Variants in VPS37C observed in about 807,000 individuals in gnomAD.
The protein encoded by VPS37C is vacuolar protein sorting-associated protein 37C.
Under a neutral mutation model 16.1 loss-of-function variants are expected in VPS37C, and 9 were observed. The observed-to-expected ratio is 0.56, with a 90% CI of 0.34 to 0.97. The LOEUF is 0.97. Among genes scored for constraint, VPS37C ranks in the 50% least tolerant of loss-of-function variants. The pLI is 0.02. For synonymous variants in VPS37C, 207 were observed against 206.4 expected, an observed-to-expected ratio of 1.00 and a Z score of -0.02; for missense variants, 479 against 472.7, an observed-to-expected ratio of 1.01 and a Z score of -0.12.
At chr11:61,140,880 C>A (rs768759757) in intron 1 of VPS37C, among the ~76,000 whole-genome samples, 6 of 152,188 alleles carry the variant, frequency 3.9e-5, no homozygotes, top group Admixed American at 1.3e-4. Flanking sequence ...ATTCTGTCCA[C>A]ACCTCACCTT....
chr11:61,133,291 CAGA>C lies in VPS37C; in HGVS notation c.309_311del (p.Leu104del), dbSNP rs1861306669. On this transcript the variant is annotated inframe_deletion, in exon 4 of 5. Coordinates refer to ENST00000301765, the MANE Select transcript of VPS37C (RefSeq NM_017966.5). ...CTTCGATCTTCATGCCTTCCACCTG[CAGA>C]AGGTCTAACAAGGTCCCTGGCTGCA... 1.9e-6 allele frequency: 3 copies of C among 1,614,078 alleles called. No homozygotes were observed. Among genetic ancestry groups the C allele is most frequent in the Non-Finnish European group, 2.5e-6 (3 of 1,180,040 alleles).
At chr11:61,160,295 C>G (rs1489214299) in intron 1 of VPS37C, among the ~76,000 whole-genome samples, 1 of 152,150 alleles carries the variant, frequency 6.6e-6, no homozygotes, top group Non-Finnish European at 1.5e-5. Flanking sequence ...GCAACAGTCC[C>G]CGATCCCACC....
At position 61,133,245 on chromosome 11, in the gene VPS37C, G is replaced by A. The variant is rs181762215; in HGVS notation, c.348+10C>T. On this transcript the variant is annotated intron_variant, in intron 4 of 4. Transcript: ENST00000301765. ...GTCCAGGGAAGAGGGGTGTCGCCTC[G>A]CCCTCTCACCTCGGACTCTTCTTCG... 1.1e-4 allele frequency: 183 copies of A among 1,613,784 alleles called. No individual in the cohort carries two copies. The highest frequency in any genetic ancestry group is 2.5e-4 in the Admixed American group (15 of 60,014).
intron 3 of VPS37C, 67 bp from the exon 4 acceptor site, chr11:61,133,404 G>A (rs1390953384): frequency 6.6e-7 from 1 of 1,506,198 alleles, no homozygotes; most frequent in Non-Finnish European, 9.1e-7. Flanking sequence ...AAGGCACTTT[G>A]CATACCCTCT....
chr11:61,144,016 T>G (rs1350947648), intron 1 of VPS37C: 4 of 147,542 alleles, frequency 2.7e-5, no homozygotes, highest in Admixed American at 6.9e-5. Context: ...TCGCCCAGGC[T>G]GGGGTGCAAT....
chr11:61,150,410 TC>T (rs1250682946), intron 1 of VPS37C, among the ~76,000 whole-genome samples: 1 of 151,750 alleles, frequency 6.6e-6, no homozygotes, highest in Non-Finnish European at 1.5e-5. Flanking sequence ...CTTGCCCCCC[TC>T]CTCCCCTCAC....
At chr11:61,144,946 C>T (rs1210324681) in intron 1 of VPS37C, 1 of 152,226 alleles carries the variant, frequency 6.6e-6, no homozygotes, top group Non-Finnish European at 1.5e-5. Flanking sequence ...GGACCTTACT[C>T]CCAACTTTGC....
In VPS37C at chr11:61,135,064, C is replaced by T. The variant is rs375675222; in HGVS notation, c.94-857G>A. Among the ~76,000 whole-genome samples, 217 of 152,274 alleles carry T rather than the reference C, an allele frequency of 1.4e-3. 1 individual carries two copies. Among genetic ancestry groups the T allele is most frequent in the Middle Eastern group, 0.01 (3 of 294 alleles). On this transcript the variant is annotated intron_variant, in intron 2 of 4. Transcript: ENST00000301765. The stretch of plus-strand genomic sequence containing the variant: ...GCATGGGGCACCAGAAGAGAGGCCT[C>T]GGCACCCGCCACAGGGCGCAGGGAA...
At chr11:61,146,067 A>G (rs1853202981) in intron 1 of VPS37C, among the ~76,000 whole-genome samples, 1 of 152,254 alleles carries the variant, frequency 6.6e-6, no homozygotes, top group Non-Finnish European at 1.5e-5. Context: ...ACTGGCTGTC[A>G]GATAGCTCAC....
chr11:61,150,932 C>CTGAGGTT (rs1190079480), intron 1 of VPS37C, among the ~76,000 whole-genome samples: 30 of 152,332 alleles, frequency 2.0e-4, no homozygotes, highest in African/African-American at 7.0e-4. Flanking sequence ...TGCTCACAGT[C>CTGAGGTT]CAGAGGCTGG....
chr11:61,132,980 C>T, intron 4 of VPS37C: 1 of 566,224 alleles, frequency 1.8e-6, no homozygotes. Flanking sequence ...GAGCTGGCCT[C>T]AGCCCCTGGG....
intron 1 of VPS37C, among the ~76,000 whole-genome samples, chr11:61,141,851 G>A (rs1016411238): frequency 2.0e-5 from 3 of 151,216 alleles, no homozygotes; most frequent in African/African-American, 7.4e-5. Context: ...TGCAGGTGCA[G>A]CCAGGTGGAG....
intron 1 of VPS37C, among the ~76,000 whole-genome samples, chr11:61,149,945 G>A (rs964328978): frequency 1.3e-5 from 2 of 152,138 alleles, no homozygotes; most frequent in African/African-American, 4.8e-5. Context: ...TCAGCCGGCT[G>A]GGAGGCTCTA....
chr11:61,149,010 G>A (rs949206670), intron 1 of VPS37C, among the ~76,000 whole-genome samples: 9 of 152,242 alleles, frequency 5.9e-5, no homozygotes, highest in African/African-American at 1.9e-4. Flanking sequence ...GGCCAGGCGC[G>A]GTGGCTCACG....
intron 1 of VPS37C, among the ~76,000 whole-genome samples, chr11:61,147,075 T>C (rs1245980621): frequency 6.6e-6 from 1 of 152,138 alleles, no homozygotes; most frequent in Non-Finnish European, 1.5e-5. Flanking sequence ...TGTGAGAAAC[T>C]GGGTGGGCCA....
intron 1 of VPS37C, among the ~76,000 whole-genome samples, chr11:61,155,104 CAAAA>C (rs61061689): frequency 6.1e-5 from 8 of 130,624 alleles, no homozygotes; most frequent in Admixed American, 7.5e-5. Flanking sequence ...ACTCTGTCTC[CAAAA>C]AAAAAAAAAA....
intron 1 of VPS37C, among the ~76,000 whole-genome samples, chr11:61,159,679 A>G (rs1226009538): frequency 6.7e-6 from 1 of 150,310 alleles, no homozygotes; most frequent in Admixed American, 6.7e-5. Flanking sequence ...CCGCCACTGC[A>G]CTCCAGCCTG....
chr11:61,134,096 C>T lies in VPS37C; in HGVS notation c.205G>A (p.Asp69Asn), dbSNP rs752577684. The change falls in exon 3 of 5, where the codon GAT (aspartate) becomes AAT (asparagine). Residue 69 changes from aspartate (D) to asparagine (N), a missense_variant. Asp to Asn is a conservative substitution (Grantham distance 23, BLOSUM62 1). Coordinates refer to ENST00000301765, the MANE Select transcript of VPS37C (RefSeq NM_017966.5). ...PLEISRSNLS[D>N]RYQELRKLVE... ...AGCTTCCGGAGCTCCTGGTATCTAT[C>T]CGAGAGGTTTGAGCGGCTGATCTCC... is the stretch of plus-strand genomic sequence containing the variant. 7.4e-6 allele frequency: 12 copies of T among 1,613,890 alleles called. No homozygotes were observed. In the Admixed American group the frequency reaches 1.8e-4, roughly 25 times the overall value.
Position 61,132,447 on chromosome 11 carries a change from C to T in VPS37C, c.441G>A (p.Arg147=). 6.2e-7 allele frequency: 1 copy of T among 1,613,108 alleles called. No homozygotes were observed. Among genetic ancestry groups the T allele is most frequent in the African/African-American group, 1.3e-5 (1 of 74,972 alleles). Residue 147 remains arginine (R), a synonymous_variant, in exon 5 of 5, where the codon CGG becomes CGA. Transcript: ENST00000301765. ...CTTCCTGGAGCTTTTCCACGCGAAC[C>T]CGGCGCAGGTGGGACAGCATCCTCA... ...SSMRMLSHLR[R]VRVEKLQEVV... is the part of the protein sequence containing the mutation.
Sources: gnomAD v4.1 joint callset for allele counts (sites outside exome capture counted in the v4.1 genomes callset) on GRCh38, gnomAD v4.1.1 for gene constraint, MANE v1.5 for transcripts, NCBI Gene and HGNC (gene_info 2026-07-23, HGNC 2026-07-21) for gene names.